APBA2: variants seen among roughly 807,000 people sequenced by gnomAD.
APBA2 encodes amyloid-beta A4 precursor protein-binding family A member 2.
Under a neutral mutation model 75.0 loss-of-function variants are expected in APBA2, and 30 were observed. That is an observed-to-expected ratio of 0.40 (90% CI 0.30 to 0.54). The LOEUF (loss-of-function observed/expected upper bound fraction) is 0.54, where lower values mean the gene tolerates loss of function less well. APBA2 is among the 20% of genes least tolerant of loss of function. APBA2 has a pLI of 0.49. For missense variants in APBA2, 801 were observed against 1,016.1 expected, an observed-to-expected ratio of 0.79 and a Z score of 2.88; for synonymous variants, 444 against 409.6, an observed-to-expected ratio of 1.08 and a Z score of -1.01.
chr15:28,890,802 T>C (rs1339195890), intron 1 of APBA2, among the ~76,000 whole-genome samples: 1 of 152,218 alleles, frequency 6.6e-6, no homozygotes, highest in African/African-American at 2.4e-5. Context: ...TGATGCAAGA[T>C]ATTTTATGAC....
chr15:28,956,331 G>T (rs921069278), intron 2 of APBA2, among the ~76,000 whole-genome samples: 1 of 151,936 alleles, frequency 6.6e-6, no homozygotes, highest in African/African-American at 2.4e-5. Flanking sequence ...ATGCAAGGAG[G>T]GAAAACAGAT....
rs2032885642 is a variant in APBA2, at chr15:28,901,922, G to GTGTGTGTGTGTGTGTT, written c.-205+15659_-205+15660insTTGTGTGTGTGTGTGT. ...GGGAGCTTTTGATGTGTGTGTGTGT[G>GTGTGTGTGTGTGTGTT]TGTGTGTGTGTGTGTGTGTATGTTG... On this transcript the variant is annotated intron_variant, in intron 1 of 14. Transcript: ENST00000683413. Among the ~76,000 whole-genome samples, 9 of 139,452 alleles carry GTGTGTGTGTGTGTGTT rather than the reference G, an allele frequency of 6.5e-5. No individual in the cohort carries two copies. In the South Asian group the frequency reaches 2.3e-3, roughly 35 times the overall value. The allele number at this position is 139,452 out of a possible 152,430, so 91.5% of individuals were successfully genotyped here.
chr15:29,023,726 G>T (rs1595754453), intron 3 of APBA2, among the ~76,000 whole-genome samples: 2 of 148,792 alleles, frequency 1.3e-5, no homozygotes, highest in South Asian at 4.3e-4. Context: ...AAAGTGCTGG[G>T]ATTATAGGCA....
chr15:29,101,479 G>GC lies in APBA2; in HGVS notation c.1339-118dup, dbSNP rs1469402906. The GC allele has an allele frequency of 3.7e-6, 4 of 1,070,956 alleles. No individual in the cohort carries two copies. In the African/African-American group the frequency reaches 6.3e-5, roughly 17 times the overall value. The allele number at this position is 1,070,956 out of a possible 1,614,324, so 66.3% of individuals were successfully genotyped here. On this transcript the variant is annotated intron_variant, in intron 9 of 14. Coordinates refer to ENST00000683413, the MANE Select transcript of APBA2 (RefSeq NM_001353788.2). ...ACTCCTGACCTCAGGTGATCTGCCT[G>GC]CCTCGGCCTCCCAAAGTGCTAGGAT...
At chr15:29,007,036 A>C (rs2039153771) in intron 3 of APBA2, among the ~76,000 whole-genome samples, 1 of 152,228 alleles carries the variant, frequency 6.6e-6, no homozygotes, top group South Asian at 2.1e-4. Flanking sequence ...TCATCAAAAC[A>C]ATGTAGTAGT....
At chr15:29,049,398 G>A (rs1202870108) in intron 3 of APBA2, among the ~76,000 whole-genome samples, 2 of 152,176 alleles carry the variant, frequency 1.3e-5, no homozygotes, top group African/African-American at 2.4e-5. Context: ...GGATTTGCTT[G>A]CTCCAAGGGA....
chr15:29,094,199 A>C, intron 7 of APBA2, 79 bp from the exon 8 acceptor site: 2 of 1,516,256 alleles, frequency 1.3e-6, no homozygotes, highest in Non-Finnish European at 1.8e-6. Flanking sequence ...GGGGGCATCA[A>C]CCACCAAAGT....
chr15:28,987,629 T>C (rs1436927546), intron 2 of APBA2, among the ~76,000 whole-genome samples: 2 of 151,346 alleles, frequency 1.3e-5, no homozygotes, highest in Non-Finnish European at 2.9e-5. Context: ...TCTGCTTATG[T>C]CTGTTCACTA....
intron 3 of APBA2, among the ~76,000 whole-genome samples, chr15:28,999,308 C>G (rs1406580827): frequency 6.6e-6 from 1 of 152,118 alleles, no homozygotes; most frequent in Non-Finnish European, 1.5e-5. Flanking sequence ...AAGAGAACTA[C>G]AGGCTGGAAT....
At chr15:29,025,263 ATTTTTT>A (rs199811660) in intron 3 of APBA2, among the ~76,000 whole-genome samples, 1 of 138,082 alleles carries the variant, frequency 7.2e-6, no homozygotes, top group African/African-American at 2.6e-5. Context: ...AAGAATTGGG[ATTTTTT>A]TTTTTTTTTT....
At chr15:29,082,204 CCT>C (rs1407180551) in intron 6 of APBA2, among the ~76,000 whole-genome samples, 1 of 152,168 alleles carries the variant, frequency 6.6e-6, no homozygotes, top group Non-Finnish European at 1.5e-5. Flanking sequence ...TGTGCTCATT[CCT>C]CTGTTAGATT....
intron 1 of APBA2, among the ~76,000 whole-genome samples, chr15:28,907,826 G>T (rs2033209327): frequency 1.3e-5 from 2 of 152,070 alleles, no homozygotes; most frequent in Non-Finnish European, 2.9e-5. Flanking sequence ...CATAAAGTCT[G>T]CCTTTCCCCA....
intron 13 of APBA2, among the ~76,000 whole-genome samples, chr15:29,111,251 G>T (rs1247203114): frequency 6.6e-6 from 1 of 152,094 alleles, no homozygotes; most frequent in East Asian, 1.9e-4. Flanking sequence ...TCACGACTGG[G>T]GACGAGGAGG....
chr15:29,032,754 C>G (rs1222416227), intron 3 of APBA2, among the ~76,000 whole-genome samples: 5 of 151,846 alleles, frequency 3.3e-5, no homozygotes, highest in East Asian at 3.9e-4. Context: ...AGATCCAGTT[C>G]CTACAAGACT....
chr15:28,969,180 C>CTTTCCT lies in APBA2; in HGVS notation c.-94-26570_-94-26569insCCTTTT, dbSNP rs1566855769. On this transcript the variant is annotated intron_variant, in intron 2 of 14. Coordinates refer to ENST00000683413, the MANE Select transcript of APBA2 (RefSeq NM_001353788.2). ...TCTTTCTTTCTTTCTTTCTTTCTTT[C>CTTTCCT]TTTTTTTTATTTTTTATTTTTGAGA... Among the ~76,000 whole-genome samples the CTTTCCT allele has an allele frequency of 4.6e-5, 6 of 130,932 alleles. No individual in the cohort carries two copies. The South Asian group carries it at 1.4e-3, about 31-fold the overall frequency. The allele number at this position is 130,932 out of a possible 152,430, so 85.9% of individuals were successfully genotyped here.
At chr15:28,908,723 G>A (rs143329086) in intron 1 of APBA2, among the ~76,000 whole-genome samples, 7,477 of 152,122 alleles carry the variant, frequency 0.049, 641 homozygotes, top group African/African-American at 0.17. Context: ...GCCTGACACC[G>A]CTCTCCTGGC....
intron 2 of APBA2, among the ~76,000 whole-genome samples, chr15:28,955,741 A>G (rs1378787765): frequency 6.9e-6 from 1 of 145,228 alleles, no homozygotes; most frequent in Non-Finnish European, 1.5e-5. Flanking sequence ...GGTGTTCATC[A>G]AAGCTCCTCC....
At chr15:28,970,638 G>A (rs1196501666) in intron 2 of APBA2, 1 of 151,514 alleles carries the variant, frequency 6.6e-6, no homozygotes, top group Non-Finnish European at 1.5e-5. Flanking sequence ...TCACCTGAAA[G>A]CGTCCTGGAA....
intron 1 of APBA2, among the ~76,000 whole-genome samples, chr15:28,912,091 C>T (rs187235315): frequency 7.2e-5 from 11 of 152,258 alleles, no homozygotes; most frequent in Non-Finnish European, 1.5e-4. Flanking sequence ...CCTCTAATAG[C>T]ATACGTGCTT....
Sources: allele counts gnomAD v4.1 joint callset (sites outside exome capture counted in the v4.1 genomes callset), GRCh38; gene constraint gnomAD v4.1.1; transcripts MANE v1.5; gene names NCBI Gene and HGNC (gene_info 2026-07-23, HGNC 2026-07-21).